GLI2: variants seen among roughly 807,000 people sequenced by gnomAD.
The protein encoded by GLI2 is transcription activator GLI2.
A neutral mutation model predicts 78.9 loss-of-function variants in GLI2; 22 were observed. The observed-to-expected ratio is 0.28, with a 90% CI of 0.20 to 0.40. GLI2 has a LOEUF of 0.40. GLI2 is among the 10% of genes least tolerant of loss of function. The pLI is 1.00. For missense variants in GLI2, 2,097 were observed against 2,213.2 expected, an observed-to-expected ratio of 0.95 and a Z score of 1.05; for synonymous variants, 974 against 963.7, an observed-to-expected ratio of 1.01 and a Z score of -0.20.
rs1682967715 is a variant in GLI2, at chr2:120,986,271, C to T, written c.1906-7C>T. ...GAGTCTGAGCCTTCTTGCCTCGTCC[C>T]CTGCAGCTGTGTCAGTCCAGCCCCG... is the stretch of plus-strand genomic sequence containing the variant. On this transcript the variant is annotated splice_polypyrimidine_tract_variant and splice_region_variant and intron_variant, in intron 12 of 13. Coordinates refer to ENST00000361492, the MANE Select transcript of GLI2 (RefSeq NM_001374353.1). 6.2e-7 allele frequency: 1 copy of T among 1,612,448 alleles called. No individual in the cohort carries two copies. Among genetic ancestry groups the T allele is most frequent in the Non-Finnish European group, 8.5e-7 (1 of 1,179,644 alleles).
intron 2 of GLI2, among the ~76,000 whole-genome samples, chr2:120,921,035 G>A (rs979460980): frequency 3.9e-5 from 6 of 152,248 alleles, no homozygotes; most frequent in Admixed American, 3.3e-4. Context: ...GCCTCTGGAT[G>A]CAGCAGTTTC....
chr2:120,873,062 CAT>C (rs1295838082), intron 2 of GLI2, among the ~76,000 whole-genome samples: 1 of 152,204 alleles, frequency 6.6e-6, no homozygotes, highest in Non-Finnish European at 1.5e-5. Context: ...TTCACACACA[CAT>C]ACCTGCCTGC....
rs1261406695 is a variant in GLI2, at chr2:120,991,378, CA to C, written c.*704del. ...AATGAATAAAGTATGTAAGTATCACCAGAAAAAGGAAAGAAAAAATGTACTC... is the reference window on the plus strand; with the variant it reads ...AATGAATAAAGTATGTAAGTATCACCGAAAAAGGAAAGAAAAAATGTACTC... On this transcript the variant is annotated 3_prime_UTR_variant, in exon 14 of 14. Coordinates refer to ENST00000361492, the MANE Select transcript of GLI2 (RefSeq NM_001374353.1). 1 of 152,646 alleles carries C rather than the reference CA, an allele frequency of 6.6e-6. No homozygotes were observed. Among genetic ancestry groups the C allele is most frequent in the African/African-American group, 2.4e-5 (1 of 41,464 alleles). The allele number at this position is 152,646 out of a possible 1,614,324, so 9.5% of individuals were successfully genotyped here.
Position 120,840,582 on chromosome 2 carries a change from TA to T in GLI2, c.148+43115del, listed in dbSNP as rs145522597. Among the ~76,000 whole-genome samples the T allele has an allele frequency of 7.4e-3, 1,126 of 152,338 alleles. 12 individuals carry two copies. The highest frequency in any genetic ancestry group is 0.025 in the African/African-American group (1,044 of 41,580). ...TCAATTTTGTATTCTTTTGATAGCT[TA>T]GGGGTCCTGGACCACATGGGGACTA... On this transcript the variant is annotated intron_variant, in intron 2 of 13. Coordinates refer to ENST00000361492, the MANE Select transcript of GLI2 (RefSeq NM_001374353.1).
At chr2:120,741,218 G>C (rs1302825990) in intron 1 of GLI2, among the ~76,000 whole-genome samples, 3 of 152,172 alleles carry the variant, frequency 2.0e-5, no homozygotes, top group African/African-American at 7.2e-5. Context: ...CCCCTGATGT[G>C]ATTACGCTTT....
chr2:120,957,309 C>T (rs928075384), intron 5 of GLI2, among the ~76,000 whole-genome samples: 1 of 152,336 alleles, frequency 6.6e-6, no homozygotes, highest in African/African-American at 2.4e-5. Context: ...TTCAACAACA[C>T]CTGTCAGCTC....
Position 120,986,582 on chromosome 2 carries a change from G to T in GLI2, c.2210G>T (p.Arg737Leu). The T allele has an allele frequency of 6.2e-7, 1 of 1,614,058 alleles. No homozygotes were observed. Among genetic ancestry groups the T allele is most frequent in the Non-Finnish European group, 8.5e-7 (1 of 1,180,006 alleles). ...CSWAGPTPHT[R>L]NTKLPPLPGS... ...TGGGCCGGGCCGACTCCACACACGC[G>T]GAACACCAAGCTGCCTCCCCTCCCG... The change falls in exon 13 of 14, where the codon CGG (arginine) becomes CTG (leucine). Residue 737 changes from arginine to leucine, a missense_variant. By Grantham distance (102) the Arg-to-Leu change is moderately radical. Around this residue, in one of 5 missense-constraint regions of GLI2, gnomAD observed 1,290 missense variants for 1,261.7 expected, o/e 1.02. Transcript: ENST00000361492.
intron 2 of GLI2, among the ~76,000 whole-genome samples, chr2:120,859,847 C>T (rs2104636929): frequency 6.6e-6 from 1 of 152,052 alleles, no homozygotes; most frequent in African/African-American, 2.4e-5. Flanking sequence ...ACCTCCGCCT[C>T]CTGGCCTCTT....
At chr2:120,769,438 G>A (rs1157757322) in intron 1 of GLI2, among the ~76,000 whole-genome samples, 2 of 152,204 alleles carry the variant, frequency 1.3e-5, no homozygotes, top group Non-Finnish European at 2.9e-5. Context: ...TGTGCATTTA[G>A]TTCCTTCTCT....
chr2:120,736,681 G>A lies in GLI2; in HGVS notation c.-31+396G>A, dbSNP rs564854622. Among the ~76,000 whole-genome samples, 35 of 152,222 alleles carry A rather than the reference G, an allele frequency of 2.3e-4. No homozygotes were observed. The South Asian group carries it at 2.7e-3, about 12-fold the overall frequency. On this transcript the variant is annotated intron_variant, in intron 1 of 13. Coordinates refer to ENST00000361492, the MANE Select transcript of GLI2 (RefSeq NM_001374353.1). Reference sequence around the variant, plus strand: ...GAGGCTGGGATGCTCCGAAGCTGCCGTAGGTGGGCATGGGAGCGTGTCTGC... The same window carrying A: ...GAGGCTGGGATGCTCCGAAGCTGCCATAGGTGGGCATGGGAGCGTGTCTGC...
chr2:120,834,602 A>G (rs566056114), intron 2 of GLI2, among the ~76,000 whole-genome samples: 21 of 152,318 alleles, frequency 1.4e-4, no homozygotes, highest in African/African-American at 4.6e-4. Flanking sequence ...GAAGCCCCAG[A>G]TGTGAGAACA....
At chr2:120,742,584 G>GT (rs1682580823) in intron 1 of GLI2, among the ~76,000 whole-genome samples, 1 of 151,112 alleles carries the variant, frequency 6.6e-6, no homozygotes, top group Non-Finnish European at 1.5e-5. Context: ...CGCCACACAC[G>GT]TGAGGCCGTA....
intron 1 of GLI2, among the ~76,000 whole-genome samples, chr2:120,756,684 T>G (rs988612215): frequency 6.6e-6 from 1 of 152,226 alleles, no homozygotes; most frequent in Non-Finnish European, 1.5e-5. Flanking sequence ...AGCTCTGTTA[T>G]TAGGTGCATA....
At chr2:120,793,615 C>G (rs1684249106) in intron 1 of GLI2, among the ~76,000 whole-genome samples, 1 of 152,168 alleles carries the variant, frequency 6.6e-6, no homozygotes, top group Non-Finnish European at 1.5e-5. Flanking sequence ...ATCTTCTTCT[C>G]CGGGAAGTGG....
chr2:120,895,905 A>G (rs1344343441), intron 2 of GLI2, among the ~76,000 whole-genome samples: 1 of 152,126 alleles, frequency 6.6e-6, no homozygotes, highest in African/African-American at 2.4e-5. Context: ...CAACACCTTG[A>G]TATTTGCAAA....
Position 120,927,432 on chromosome 2 carries a change from C to T in GLI2, c.220C>T (p.His74Tyr), listed in dbSNP as rs201945889. The change falls in exon 3 of 14, where the codon CAT (histidine) becomes TAT (tyrosine). Residue 74 changes from histidine (H) to tyrosine (Y), a missense_variant. Physicochemically the swap from His to Tyr is moderately conservative, Grantham distance 83. This residue lies in a region of GLI2 where 578 missense variants were observed against 612.0 expected (regional missense o/e 0.94). Transcript: ENST00000361492. The stretch of plus-strand genomic sequence containing the variant: ...CATGCGACACCAGGAAGGAAGGTAC[C>T]ATTACGAGCCTCATTCTGTCCACGG... ...IDMRHQEGRYHYEPHSVHGVH... is the reference protein window; with the variant it reads ...IDMRHQEGRYYYEPHSVHGVH... 1.4e-4 allele frequency: 224 copies of T among 1,613,636 alleles called. No individual in the cohort carries two copies. Among genetic ancestry groups the T allele is most frequent in the Non-Finnish European group, 1.8e-4 (216 of 1,179,650 alleles).
chr2:120,988,285 C>A lies in GLI2; in HGVS notation c.2320C>A (p.Leu774Met). Residue 774 changes from leucine (L) to methionine (M), a missense_variant, in exon 14 of 14, where the codon CTG (leucine) becomes ATG (methionine). Physicochemically the swap from Leu to Met is conservative, Grantham distance 15. Transcript: ENST00000361492. ...GCTGCCGAACCCGCGGCTGTCGGAG[C>A]TGTCCGCGAGCGAGGTGACCATGCT... ...GLLPNPRLSE[L>M]SASEVTMLSQ... The A allele has an allele frequency of 6.4e-7, 1 of 1,565,836 alleles. No individual in the cohort carries two copies. The highest frequency in any genetic ancestry group is 8.6e-7 in the Non-Finnish European group (1 of 1,161,426).
chr2:120,952,629 G>C (rs1331169712), intron 4 of GLI2, among the ~76,000 whole-genome samples: 3 of 152,198 alleles, frequency 2.0e-5, no homozygotes, highest in Non-Finnish European at 4.4e-5. Flanking sequence ...TTGTAGCCAG[G>C]GGGCTTGAAA....
intron 2 of GLI2, among the ~76,000 whole-genome samples, chr2:120,873,319 T>A (rs1370689914): frequency 1.3e-5 from 2 of 152,252 alleles, no homozygotes; most frequent in Non-Finnish European, 2.9e-5. Context: ...TTAAAAGATA[T>A]TTTAAACTTA....
Sources: allele counts gnomAD v4.1 joint callset (sites outside exome capture counted in the v4.1 genomes callset), GRCh38; gene constraint gnomAD v4.1.1; regional missense constraint gnomAD v4.1.1; transcripts MANE v1.5; gene names NCBI Gene and HGNC (gene_info 2026-07-23, HGNC 2026-07-21).